The following ARVCF variants were observed in gnomAD, a reference collection of about 807,000 sequenced individuals.
ARVCF encodes ARVCF delta catenin family member, also known as splicing regulator ARVCF.
In ARVCF, 66 loss-of-function variants were observed where a neutral mutation model predicts 90.9. That is an observed-to-expected ratio of 0.73 (90% confidence interval 0.60 to 0.89). The LOEUF (loss-of-function observed/expected upper bound fraction) is 0.89, where lower values mean the gene tolerates loss of function less well. ARVCF is among the 40% of genes least tolerant of loss of function. The pLI, the probability that ARVCF is intolerant of heterozygous loss-of-function variation, is 0.00. For missense variants in ARVCF, 1,469 were observed against 1,382.3 expected (o/e 1.06, Z -1.00); for synonymous variants, 653 against 603.4 (o/e 1.08, Z -1.21).
At chr22:19,981,047 C>T (rs1943463253) in intron 5 of ARVCF, 164 bp downstream of exon 5, 1 of 945,860 alleles carries the variant, frequency 1.1e-6, no homozygotes, top group South Asian at 1.8e-5. Context: ...CCTACCACCC[C>T]AGGGTCCACC....
At position 19,995,793 on chromosome 22, in the gene ARVCF, C is replaced by A. The variant is rs111711037; in HGVS notation, c.-18-4981G>T. Among the ~76,000 whole-genome samples the A allele has an allele frequency of 6.6e-5, 10 of 152,274 alleles. No individual in the cohort carries two copies. In the East Asian group the frequency reaches 9.7e-4, roughly 15 times the overall value. On this transcript the variant is annotated intron_variant, in intron 2 of 19. Coordinates refer to ENST00000263207, the MANE Select transcript of ARVCF (RefSeq NM_001670.3). Reference sequence around the variant, plus strand: ...CAGCCAGGGCTGCGCTGGCCCCCCCCTCGAGGGGAGAGACGGGACGGATGA... The same window carrying A: ...CAGCCAGGGCTGCGCTGGCCCCCCCATCGAGGGGAGAGACGGGACGGATGA...
Position 19,980,237 on chromosome 22 carries a change from T to C in ARVCF, c.902A>G (p.Tyr301Cys), listed in dbSNP as rs746260130. 2.6e-6 allele frequency: 4 copies of C among 1,527,652 alleles called. No homozygotes were observed. Among genetic ancestry groups the C allele is most frequent in the South Asian group, 2.5e-5 (2 of 80,282 alleles). 94.6% of individuals were successfully genotyped at this position (1,527,652 alleles called of 1,614,324 possible). Residue 301 changes from tyrosine to cysteine, a missense_variant, in exon 6 of 20, where the codon TAC (tyrosine) becomes TGC (cysteine). Transcript: ENST00000263207. ...GCCGCCATCATCTGCTGTGTCCTCG[T>C]AGGCCCTGCACAGGCAAGTGGGGCG... Reference protein sequence around the residue: ...ECGRGLHTRAYEDTADDGGEL... With the variant: ...ECGRGLHTRACEDTADDGGEL...
intron 17 of ARVCF, 141 bp downstream of exon 17, chr22:19,972,217 G>A (rs1942849894): frequency 1.7e-6 from 2 of 1,172,078 alleles, no homozygotes; most frequent in Admixed American, 2.1e-5. Context: ...TAGCTGCCCT[G>A]TACCTCACCC....
intron 1 of ARVCF, among the ~76,000 whole-genome samples, chr22:20,014,148 G>A (rs1192390496): frequency 6.6e-6 from 1 of 150,436 alleles, no homozygotes; most frequent in African/African-American, 2.5e-5. Context: ...CCAAAGTGCT[G>A]GGATTACAGG....
intron 3 of ARVCF, chr22:19,987,106 C>T (rs1356330607): frequency 1.1e-5 from 6 of 560,486 alleles, no homozygotes; most frequent in African/African-American, 4.0e-5. Flanking sequence ...GGCCGGGACT[C>T]GGGGGGCGCT....
At chr22:19,977,709 G>A (rs1943240061) in intron 8 of ARVCF, 123 bp from the exon 9 acceptor site, 1 of 1,343,498 alleles carries the variant, frequency 7.4e-7, no homozygotes, top group Non-Finnish European at 9.9e-7. Flanking sequence ...AGTCCTCAGT[G>A]GAGGGGAGCA....
intron 2 of ARVCF, among the ~76,000 whole-genome samples, chr22:20,002,859 T>C (rs1382683511): frequency 6.6e-6 from 1 of 152,200 alleles, no homozygotes; most frequent in African/African-American, 2.4e-5. Context: ...GCTCCAGTTG[T>C]CTGTAGCAGT....
chr22:19,985,146 C>G (rs1242801418), intron 3 of ARVCF, among the ~76,000 whole-genome samples: 1 of 152,196 alleles, frequency 6.6e-6, no homozygotes, highest in Non-Finnish European at 1.5e-5. Flanking sequence ...TAGACATGGG[C>G]TCTACCCTGA....
rs530645105 is a variant in ARVCF at position 19,981,311 on chromosome 22, G to A, written c.796C>T (p.Arg266Cys). The stretch of plus-strand genomic sequence containing the variant: ...CCCTCGTCATCAGCGGCCAGGCTGC[G>A]CGTGTCATCCTCCAAGCCATACGGC... ...AEPYGLEDDT[R>C]SLAADDEGGP... is the part of the protein sequence containing the mutation. Residue 266 changes from arginine to cysteine, a missense_variant, in exon 5 of 20, where the codon CGC becomes TGC. Arg to Cys is a radical substitution (Grantham distance 180). Coordinates refer to ENST00000263207, the MANE Select transcript of ARVCF (RefSeq NM_001670.3). The A allele has an allele frequency of 3.1e-5, 50 of 1,598,470 alleles. No individual in the cohort carries two copies. Among genetic ancestry groups the A allele is most frequent in the East Asian group, 4.6e-5 (2 of 43,826 alleles).
rs371690919 is a variant in ARVCF at position 19,982,022 on chromosome 22, C to G, written c.280G>C (p.Val94Leu). 57 of 1,612,862 alleles carry G rather than the reference C, an allele frequency of 3.5e-5. 1 individual carries two copies. In the South Asian group the frequency reaches 4.4e-4, roughly 12 times the overall value. The change falls in exon 4 of 20, where the codon GTG becomes CTG. Residue 94 changes from valine (V) to leucine (L), a missense_variant. By Grantham distance (32) the Val-to-Leu change is conservative. Coordinates refer to ENST00000263207, the MANE Select transcript of ARVCF (RefSeq NM_001670.3). ...GTGCCGGGGTCCTCCTCCACCGTCACGGTCTCCTCCAGCACATCAGGTGCC... is the reference window on the plus strand; with the variant it reads ...GTGCCGGGGTCCTCCTCCACCGTCAGGGTCTCCTCCAGCACATCAGGTGCC... ...PEAPDVLEET[V>L]TVEEDPGTPT... is the part of the protein sequence containing the mutation.
chr22:19,970,978 T>C (rs1942732438), intron 19 of ARVCF, among the ~76,000 whole-genome samples: 1 of 152,088 alleles, frequency 6.6e-6, no homozygotes, highest in Non-Finnish European at 1.5e-5. Flanking sequence ...CTGGTCCCAT[T>C]TCCTCAGGCC....
At chr22:19,971,375 G>C (rs1569143604) in intron 18 of ARVCF, 40 bp from the exon 19 acceptor site, 2 of 1,533,806 alleles carry the variant, frequency 1.3e-6, no homozygotes, top group Non-Finnish European at 1.8e-6. Flanking sequence ...CAATAGAGCA[G>C]GTTAGTTAGA....
chr22:19,971,779 T>C (rs1942810761), intron 18 of ARVCF, 107 bp downstream of exon 18: 1 of 1,240,084 alleles, frequency 8.1e-7, no homozygotes, highest in Non-Finnish European at 1.2e-6. Context: ...ACAACCCAGC[T>C]GTACCCCAGG....
intron 2 of ARVCF, among the ~76,000 whole-genome samples, chr22:19,997,480 A>G (rs1944295102): frequency 6.6e-6 from 1 of 152,194 alleles, no homozygotes; most frequent in Admixed American, 6.5e-5. Context: ...ATGAGGAGAC[A>G]TGAGATGGGG....
Position 19,970,450 on chromosome 22 carries a change from C to T in ARVCF, c.*306G>A, listed in dbSNP as rs945785501. ...CCCCAAAGCCCAGCCAGGCACCCTT[C>T]CCTGCCACCTCCCTGGGCCCTGCCC... is the stretch of plus-strand genomic sequence containing the variant. On this transcript the variant is annotated 3_prime_UTR_variant, in exon 20 of 20. Transcript: ENST00000263207. 1.9e-4 allele frequency: 214 copies of T among 1,097,904 alleles called. No individual in the cohort carries two copies. In the African/African-American group the frequency reaches 3.4e-3, roughly 17 times the overall value. The allele number at this position is 1,097,904 out of a possible 1,614,324, so 68.0% of individuals were successfully genotyped here.
rs1008769863 is a variant in ARVCF, at chr22:19,982,162, C to T, written c.211-71G>A. 11 of 1,569,882 alleles carry T rather than the reference C, an allele frequency of 7.0e-6. No individual in the cohort carries two copies. The Admixed American group carries it at 1.0e-4, about 15-fold the overall frequency. Reference sequence around the variant, plus strand: ...CCCCTGGAGTGCAGGTCTCCACACACAGCAGCTCTGCCTCAGCTCATGCTG... The same window carrying T: ...CCCCTGGAGTGCAGGTCTCCACACATAGCAGCTCTGCCTCAGCTCATGCTG... On this transcript the variant is annotated intron_variant, in intron 3 of 19. Transcript: ENST00000263207.
chr22:19,970,651 C>T lies in ARVCF; in HGVS notation c.*105G>A, dbSNP rs912305324. ...GGGGCGAGGCGCTGCCAACCCCTGC[C>T]GCCAGGGGGCTCCAAGCTCCACGGC... On this transcript the variant is annotated 3_prime_UTR_variant, in exon 20 of 20. Transcript: ENST00000263207. The T allele has an allele frequency of 4.3e-5, 55 of 1,284,478 alleles. No individual in the cohort carries two copies. Among genetic ancestry groups the T allele is most frequent in the East Asian group, 5.6e-5 (1 of 17,848 alleles). 79.6% of individuals were successfully genotyped at this position (1,284,478 alleles called of 1,614,324 possible). A position where few individuals can be genotyped will look rare whatever the true frequency, so the allele number is the denominator to read the frequency against.
At chr22:20,015,160 G>A (rs1209330013) in intron 1 of ARVCF, among the ~76,000 whole-genome samples, 2 of 152,228 alleles carry the variant, frequency 1.3e-5, no homozygotes, top group Non-Finnish European at 2.9e-5. Context: ...TCAGCCAAGA[G>A]CTGGGCAGGG....
intron 2 of ARVCF, among the ~76,000 whole-genome samples, chr22:20,001,140 A>G (rs533404159): frequency 2.4e-4 from 36 of 152,218 alleles, no homozygotes; most frequent in African/African-American, 7.7e-4. Flanking sequence ...GAAGATCAGC[A>G]TGCTAGGCAG....
Sources: gnomAD v4.1 joint callset for allele counts (sites outside exome capture counted in the v4.1 genomes callset) on GRCh38, gnomAD v4.1.1 for gene constraint, MANE v1.5 for transcripts, NCBI Gene and HGNC (gene_info 2026-07-23, HGNC 2026-07-21) for gene names.